The following TBXAS1 variants were observed in gnomAD, a reference collection of about 807,000 sequenced individuals.
The protein encoded by TBXAS1 is thromboxane A synthase 1.
A neutral mutation model predicts 60.7 loss-of-function variants in TBXAS1; 48 were observed. The observed-to-expected ratio is 0.79, with a 90% confidence interval of 0.63 to 1.01. The LOEUF is 1.01. Ranked by LOEUF, TBXAS1 falls within the 50% of genes least tolerant of loss-of-function variation. The pLI is 0.00. For synonymous variants in TBXAS1, 287 were observed against 269.7 expected, an observed-to-expected ratio of 1.06 and a Z score of -0.63; for missense variants, 685 against 686.3, an observed-to-expected ratio of 1.00 and a Z score of 0.02.
chr7:139,938,099 T>C (rs1224488816), intron 5 of TBXAS1, among the ~76,000 whole-genome samples: 1 of 152,198 alleles, frequency 6.6e-6, no homozygotes, highest in East Asian at 1.9e-4. Flanking sequence ...GCTATGCTAA[T>C]ACTTCACCCA....
At chr7:139,912,782 C>A (rs1044146676) in intron 4 of TBXAS1, among the ~76,000 whole-genome samples, 6 of 152,124 alleles carry the variant, frequency 3.9e-5, no homozygotes, top group African/African-American at 1.4e-4. Context: ...ACTAGGTGAG[C>A]CATCCAGAGT....
chr7:140,017,946 G>A, intron 12 of TBXAS1, 113 bp downstream of exon 12: 1 of 1,433,944 alleles, frequency 7.0e-7, no homozygotes, highest in Non-Finnish European at 9.7e-7. Flanking sequence ...GCCTCCGTGA[G>A]CTTGGGCAAG....
chr7:139,826,808 C>T (rs73733509), upstream of TBXAS1, among the ~76,000 whole-genome samples: 11,162 of 152,124 alleles, frequency 0.073, 1,387 homozygotes, highest in African/African-American at 0.26. Context: ...TATTTTCAGC[C>T]ATCAGTGCTC....
At chr7:140,002,622 T>C (rs1349496794) in intron 9 of TBXAS1, among the ~76,000 whole-genome samples, 1 of 152,206 alleles carries the variant, frequency 6.6e-6, no homozygotes, top group Non-Finnish European at 1.5e-5. Context: ...TGGAGGTGTG[T>C]GCGTCCTTCT....
chr7:139,958,442 G>GATATGC (rs1413662074), intron 8 of TBXAS1, among the ~76,000 whole-genome samples: 3 of 152,206 alleles, frequency 2.0e-5, no homozygotes. Context: ...TTCAATACTG[G>GATATGC]ATATGCATAT....
At chr7:139,942,807 A>G (rs1439491267) in intron 5 of TBXAS1, among the ~76,000 whole-genome samples, 4 of 152,228 alleles carry the variant, frequency 2.6e-5, no homozygotes, top group Non-Finnish European at 5.9e-5. Context: ...CTTTTCATCC[A>G]GATGTTCCCC....
At chr7:139,854,878 T>C (rs960567147) in intron 1 of TBXAS1, among the ~76,000 whole-genome samples, 16 of 152,192 alleles carry the variant, frequency 1.1e-4, no homozygotes, top group African/African-American at 3.6e-4. Context: ...CTAGGATGTA[T>C]CTTATTCATT....
intron 10 of TBXAS1, among the ~76,000 whole-genome samples, chr7:140,010,957 A>G (rs960539908): frequency 6.6e-6 from 1 of 151,804 alleles, no homozygotes; most frequent in South Asian, 2.1e-4. Context: ...TAGCATGCTT[A>G]TACAAACAAA....
At chr7:139,983,550 G>A (rs1203504777) in intron 9 of TBXAS1, among the ~76,000 whole-genome samples, 1 of 152,132 alleles carries the variant, frequency 6.6e-6, no homozygotes, top group Non-Finnish European at 1.5e-5. Context: ...GAGCTGAGAT[G>A]CCTGCAGATG....
At chr7:139,913,374 T>C (rs1805693566) in intron 4 of TBXAS1, 2 of 517,262 alleles carry the variant, frequency 3.9e-6, no homozygotes, top group Non-Finnish European at 7.1e-6. Context: ...TAAGTCAAAG[T>C]GCACGGACCA....
intron 1 of TBXAS1, among the ~76,000 whole-genome samples, chr7:139,867,648 C>T (rs1191363096): frequency 6.6e-6 from 1 of 151,208 alleles, no homozygotes; most frequent in Non-Finnish European, 1.5e-5. Flanking sequence ...GGGTGAAACC[C>T]CGTCTCTACT....
rs145570860 is a variant in TBXAS1, at chr7:140,002,080, T to C, written c.1135-5011T>C. Reference sequence around the variant, plus strand: ...CGTCTCCCGGGCCTAGCACAGTGCCTGGTGAATCATGCTCGCCAATTCCAT... The same window carrying C: ...CGTCTCCCGGGCCTAGCACAGTGCCCGGTGAATCATGCTCGCCAATTCCAT... On this transcript the variant is annotated intron_variant, in intron 9 of 12. Coordinates refer to ENST00000448866, the MANE Select transcript of TBXAS1 (RefSeq NM_001061.7). Among the ~76,000 whole-genome samples the C allele has an allele frequency of 3.5e-3, 535 of 152,374 alleles. 4 individuals carry two copies. The highest frequency in any genetic ancestry group is 0.012 in the African/African-American group (513 of 41,580).
At chr7:139,962,350 G>A (rs1810440571) in intron 9 of TBXAS1, 117 bp downstream of exon 9, 1 of 1,269,352 alleles carries the variant, frequency 7.9e-7, no homozygotes, top group African/African-American at 1.5e-5. Flanking sequence ...AAGCTTATAA[G>A]ATGAAATAGG....
intron 5 of TBXAS1, among the ~76,000 whole-genome samples, chr7:139,938,330 C>T (rs565882979): frequency 4.1e-4 from 63 of 152,242 alleles, no homozygotes; most frequent in African/African-American, 1.5e-3. Flanking sequence ...TTCTCATTCG[C>T]TTGGTTTGCT....
chr7:139,823,744 G>C (rs966786469), intron 4 of TBXAS1, among the ~76,000 whole-genome samples: 3 of 152,228 alleles, frequency 2.0e-5, no homozygotes, highest in Non-Finnish European at 4.4e-5. Context: ...CTGGCCTCTA[G>C]GTTGTGTTAC....
At chr7:139,946,297 G>T (rs1808709272) in intron 5 of TBXAS1, among the ~76,000 whole-genome samples, 1 of 152,214 alleles carries the variant, frequency 6.6e-6, no homozygotes, top group Non-Finnish European at 1.5e-5. Flanking sequence ...CTGTAATCAT[G>T]CCACTGCACT....
chr7:139,905,289 C>T (rs1208819031), intron 3 of TBXAS1, among the ~76,000 whole-genome samples: 1 of 151,890 alleles, frequency 6.6e-6, no homozygotes, highest in Non-Finnish European at 1.5e-5. Flanking sequence ...AGGTATGTCC[C>T]TTGTATGCCG....
chr7:139,780,793 C>T (rs1037090338), exon 2 of TBXAS1: 1 of 154,406 alleles, frequency 6.5e-6, no homozygotes, highest in Non-Finnish European at 1.5e-5. Flanking sequence ...ACAGCATACC[C>T]GCACCCTAGA....
At chr7:139,851,144 T>G (rs949615808) in intron 1 of TBXAS1, among the ~76,000 whole-genome samples, 2 of 152,358 alleles carry the variant, frequency 1.3e-5, no homozygotes, top group South Asian at 2.1e-4. Flanking sequence ...TTTCTTGACC[T>G]AACTCTTAGC....
Sources: gnomAD v4.1 joint callset for allele counts (sites outside exome capture counted in the v4.1 genomes callset) on GRCh38, gnomAD v4.1.1 for gene constraint, MANE v1.5 for transcripts, NCBI Gene and HGNC (gene_info 2026-07-23, HGNC 2026-07-21) for gene names.